The following NKAIN2 variants were observed in gnomAD, a reference collection of about 807,000 sequenced individuals.
NKAIN2 encodes the protein sodium/potassium transporting ATPase interacting 2.
Under a neutral mutation model 32.6 loss-of-function variants are expected in NKAIN2, and 14 were observed. The ratio of observed to expected loss-of-function variants is 0.43; its 90% CI spans 0.28 to 0.67. NKAIN2 has a LOEUF of 0.67. NKAIN2 is among the 30% of genes least tolerant of loss of function. The pLI is 0.17. For synonymous variants in NKAIN2, 80 were observed against 87.2 expected (o/e 0.92, Z 0.46); for missense variants, 198 against 258.3 (o/e 0.77, Z 1.60).
At chr6:124,205,630 C>G (rs997925153) in intron 1 of NKAIN2, among the ~76,000 whole-genome samples, 5 of 151,158 alleles carry the variant, frequency 3.3e-5, no homozygotes, top group Non-Finnish European at 5.9e-5. Context: ...ATATTTAGGG[C>G]TACTAGATTA....
intron 1 of NKAIN2, among the ~76,000 whole-genome samples, chr6:124,075,446 A>G (rs1562343397): frequency 6.6e-6 from 1 of 152,166 alleles, no homozygotes; most frequent in Non-Finnish European, 1.5e-5. Flanking sequence ...GAAATCTGTT[A>G]CTGAAGTAGG....
At chr6:124,269,453 C>CTTTTTCT (rs1794650698) in intron 1 of NKAIN2, among the ~76,000 whole-genome samples, 55 of 109,186 alleles carry the variant, frequency 5.0e-4, no homozygotes, top group African/African-American at 2.2e-3. Context: ...TTCTTTCTTT[C>CTTTTTCT]TTTTTTTTTT....
chr6:124,111,032 G>A (rs1007486184), intron 1 of NKAIN2, among the ~76,000 whole-genome samples: 1 of 152,000 alleles, frequency 6.6e-6, no homozygotes, highest in Admixed American at 6.6e-5. Flanking sequence ...TCTTTATGAT[G>A]TAGTTTTGAT....
At chr6:124,117,602 T>C (rs1300580960) in intron 1 of NKAIN2, among the ~76,000 whole-genome samples, 1 of 152,062 alleles carries the variant, frequency 6.6e-6, no homozygotes, top group Non-Finnish European at 1.5e-5. Flanking sequence ...TCTTAACATA[T>C]GTAACAAACC....
intron 1 of NKAIN2, among the ~76,000 whole-genome samples, chr6:123,974,134 A>T (rs1778451931): frequency 6.6e-6 from 1 of 152,158 alleles, no homozygotes; most frequent in Non-Finnish European, 1.5e-5. Context: ...CATCCTAATA[A>T]AGAAAGGAAA....
At chr6:124,146,292 TCAGAAC>T (rs1787396632) in intron 1 of NKAIN2, among the ~76,000 whole-genome samples, 1 of 152,196 alleles carries the variant, frequency 6.6e-6, no homozygotes, top group Admixed American at 6.5e-5. Context: ...AGTTTTCTTT[TCAGAAC>T]TACAATTAGA....
At chr6:123,881,032 C>A (rs1397641324) in intron 1 of NKAIN2, among the ~76,000 whole-genome samples, 1 of 152,180 alleles carries the variant, frequency 6.6e-6, no homozygotes, top group African/African-American at 2.4e-5. Flanking sequence ...AAATGGTGTA[C>A]TGAGTTAGGT....
intron 3 of NKAIN2, among the ~76,000 whole-genome samples, chr6:124,630,506 C>CTTAA (rs1329368029): frequency 6.6e-6 from 1 of 152,094 alleles, no homozygotes; most frequent in African/African-American, 2.4e-5. Context: ...TGGTAATGAG[C>CTTAA]TTAAGTCTTC....
intron 3 of NKAIN2, among the ~76,000 whole-genome samples, chr6:124,361,321 ATACT>A (rs1460580775): frequency 3.3e-5 from 5 of 152,106 alleles, no homozygotes; most frequent in African/African-American, 1.2e-4. Context: ...CTGAAATTAA[ATACT>A]TACACTTTTC....
intron 4 of NKAIN2, among the ~76,000 whole-genome samples, chr6:124,753,106 T>C (rs1197183842): frequency 6.6e-6 from 1 of 152,118 alleles, no homozygotes; most frequent in Non-Finnish European, 1.5e-5. Context: ...ACTTGTCATT[T>C]CTCAGTTAAT....
At chr6:124,214,633 G>A (rs1269039085) in intron 1 of NKAIN2, among the ~76,000 whole-genome samples, 1 of 152,060 alleles carries the variant, frequency 6.6e-6, no homozygotes, top group Non-Finnish European at 1.5e-5. Flanking sequence ...CCCAGGAGGT[G>A]GAGATTGCCA....
intron 1 of NKAIN2, among the ~76,000 whole-genome samples, chr6:124,095,579 T>G (rs985757560): frequency 1.1e-4 from 17 of 152,168 alleles, no homozygotes; most frequent in Non-Finnish European, 2.5e-4. Context: ...TGTACTTAAG[T>G]TATACTCAAA....
chr6:123,883,906 A>AAAAG (rs1773588093), intron 1 of NKAIN2, among the ~76,000 whole-genome samples: 1 of 150,418 alleles, frequency 6.6e-6, no homozygotes, highest in Non-Finnish European at 1.5e-5. Context: ...AAAAAAAAAA[A>AAAAG]AAAAAAAAAA....
chr6:123,804,030 C>T lies in NKAIN2; in HGVS notation c.-171C>T. ...GCTGCCGCCGCCGCCGCCGCCGCGC[C>T]AGCAGGTCCTAATGCCTGTCACTTC... is the stretch of plus-strand genomic sequence containing the variant. On this transcript the variant is annotated 5_prime_UTR_variant, in exon 1 of 7. Transcript: ENST00000368417. 3.0e-6 allele frequency: 2 copies of T among 667,974 alleles called. No individual in the cohort carries two copies. Among genetic ancestry groups the T allele is most frequent in the East Asian group, 2.6e-5 (1 of 38,818 alleles). 41.4% of individuals were successfully genotyped at this position (667,974 alleles called of 1,614,324 possible). A position where few individuals can be genotyped will look rare whatever the true frequency, so the allele number is the denominator to read the frequency against.
chr6:124,654,924 A>C (rs1352848234), intron 3 of NKAIN2, among the ~76,000 whole-genome samples: 1 of 152,128 alleles, frequency 6.6e-6, no homozygotes, highest in Non-Finnish European at 1.5e-5. Context: ...TGAGAAAATA[A>C]GTTTCTTCTT....
intron 4 of NKAIN2, among the ~76,000 whole-genome samples, chr6:124,703,744 A>G (rs906520707): frequency 6.6e-5 from 10 of 151,992 alleles, no homozygotes; most frequent in Admixed American, 2.6e-4. Context: ...GAAATAAACA[A>G]TCTTCTCAGA....
intron 3 of NKAIN2, among the ~76,000 whole-genome samples, chr6:124,616,433 C>CTTTTTTTTTTTTT (rs1562285900): frequency 1.5e-5 from 1 of 68,064 alleles, no homozygotes. Flanking sequence ...TTTTTCTTTT[C>CTTTTTTTTTTTTT]TTTCTTTTTT....
chr6:124,000,450 T>A (rs992042797), intron 1 of NKAIN2, among the ~76,000 whole-genome samples: 3 of 151,790 alleles, frequency 2.0e-5, no homozygotes, highest in East Asian at 1.9e-4. Context: ...GAAAAAAAAA[T>A]TATAGTAAGA....
In NKAIN2 at chr6:124,459,646, G is replaced by A. The variant is rs181374151; in HGVS notation, c.273+104299G>A. 5.3e-5 allele frequency among the ~76,000 whole-genome samples: 8 copies of A among 151,864 alleles called. No individual in the cohort carries two copies. In the East Asian group the frequency reaches 1.4e-3, roughly 26 times the overall value. ...TTAATTCTGATGAGAGAAGAATGTTGGAGTTGAATATCATATTCCTTAACA... is the reference window on the plus strand; with the variant it reads ...TTAATTCTGATGAGAGAAGAATGTTAGAGTTGAATATCATATTCCTTAACA... On this transcript the variant is annotated intron_variant, in intron 3 of 6. Transcript: ENST00000368417.
Sources: allele counts gnomAD v4.1 joint callset (sites outside exome capture counted in the v4.1 genomes callset), GRCh38; gene constraint gnomAD v4.1.1; transcripts MANE v1.5; gene names NCBI Gene and HGNC (gene_info 2026-07-23, HGNC 2026-07-21).